Variants in PKHD1L1 observed in about 807,000 individuals in gnomAD.
The protein encoded by PKHD1L1 is fibrocystin-L.
In PKHD1L1, 434 loss-of-function variants were observed where a neutral mutation model predicts 462.9. The observed-to-expected ratio is 0.94, with a 90% CI of 0.87 to 1.02. The LOEUF (loss-of-function observed/expected upper bound fraction) is 1.02. Ranked by LOEUF, PKHD1L1 falls within the 50% of genes least tolerant of loss-of-function variation. The pLI is 0.00. For missense variants in PKHD1L1, 5,202 were observed against 5,096.1 expected (o/e 1.02, Z -0.63); for synonymous variants, 1,781 against 1,750.0 (o/e 1.02, Z -0.44).
intron 23 of PKHD1L1, among the ~76,000 whole-genome samples, chr8:109,421,845 A>G (rs1008792723): frequency 4.6e-5 from 7 of 152,110 alleles, no homozygotes; most frequent in Non-Finnish European, 7.4e-5. Flanking sequence ...CTGTGTCAAA[A>G]TTCTCCCATT....
At chr8:109,472,708 T>G (rs1817784926) in intron 50 of PKHD1L1, among the ~76,000 whole-genome samples, 1 of 111,364 alleles carries the variant, frequency 9.0e-6, no homozygotes, top group African/African-American at 3.4e-5. Flanking sequence ...ATTTTACTTC[T>G]GTGTGTGAAA....
At position 109,454,871 on chromosome 8, in the gene PKHD1L1, T is replaced by A; in HGVS notation, c.6874+19T>A. 4 of 1,603,744 alleles carry A rather than the reference T, an allele frequency of 2.5e-6. No homozygotes were observed. Among genetic ancestry groups the A allele is most frequent in the Non-Finnish European group, 3.4e-6 (4 of 1,174,438 alleles). ...CTGCACGGTACTGTGGCCAAGTGGC[T>A]AAGGGAGTTGGTAGAGGAAGACTCA... On this transcript the variant is annotated intron_variant, in intron 45 of 77. Coordinates refer to ENST00000378402, the MANE Select transcript of PKHD1L1 (RefSeq NM_177531.6).
In PKHD1L1 at chr8:109,522,202, T is replaced by C; in HGVS notation, c.12048T>C (p.Ser4016=). The change falls in exon 74 of 78, where the codon TCT becomes TCC. Residue 4016 remains serine (S), a synonymous_variant. Coordinates refer to ENST00000378402, the MANE Select transcript of PKHD1L1 (RefSeq NM_177531.6). ...SNGTTGQMQL[S]ELQEIAGSLG... ...TCCCCATAGGTCAGATGCAGTTATCTGAACTCCAGGAAATTGCTGGTTCTC... is the reference window on the plus strand; with the variant it reads ...TCCCCATAGGTCAGATGCAGTTATCCGAACTCCAGGAAATTGCTGGTTCTC... 6.2e-7 allele frequency: 1 copy of C among 1,602,934 alleles called. No homozygotes were observed. The highest frequency in any genetic ancestry group is 8.5e-7 in the Non-Finnish European group (1 of 1,170,882).
chr8:109,475,170 G>C lies in PKHD1L1; in HGVS notation c.8658G>C (p.Trp2886Cys), dbSNP rs763024948. 1 of 1,612,620 alleles carries C rather than the reference G, an allele frequency of 6.2e-7. No individual in the cohort carries two copies. Among genetic ancestry groups the C allele is most frequent in the Admixed American group, 1.7e-5 (1 of 59,912 alleles). ...QKKRLTHMSG[W>C]MALIPNANHI... ...AACGACTGACTCATATGTCTGGATGGATGGCTCTGATTCCAAATGCAAATC... is the reference window on the plus strand; with the variant it reads ...AACGACTGACTCATATGTCTGGATGCATGGCTCTGATTCCAAATGCAAATC... Residue 2886 changes from tryptophan (W) to cysteine (C), a missense_variant, in exon 51 of 78, where the codon TGG becomes TGC. Trp to Cys is a radical substitution (Grantham distance 215). This residue lies in a region of PKHD1L1 where 4,497 missense variants were observed against 4,336.8 expected (regional missense o/e 1.04). Coordinates refer to ENST00000378402, the MANE Select transcript of PKHD1L1 (RefSeq NM_177531.6).
At chr8:109,502,056 C>T (rs1401697904) in intron 67 of PKHD1L1, among the ~76,000 whole-genome samples, 1 of 151,922 alleles carries the variant, frequency 6.6e-6, no homozygotes, top group Non-Finnish European at 1.5e-5. Flanking sequence ...TCCCACACCA[C>T]ACCACACCAC....
At chr8:109,425,554 A>G (rs987070064) in intron 24 of PKHD1L1, among the ~76,000 whole-genome samples, 2 of 152,078 alleles carry the variant, frequency 1.3e-5, no homozygotes, top group African/African-American at 4.8e-5. Context: ...AATATTTTTA[A>G]AAGTCTGCAA....
At chr8:109,368,661 T>G (rs1039387978) in intron 2 of PKHD1L1, among the ~76,000 whole-genome samples, 4 of 152,164 alleles carry the variant, frequency 2.6e-5, no homozygotes, top group African/African-American at 7.2e-5. Flanking sequence ...TCAACAGTGC[T>G]TTTTTAACTA....
rs754670456 is a variant in PKHD1L1, at chr8:109,440,696, A to AT, written c.3957-6dup. 2.1e-5 allele frequency: 33 copies of AT among 1,600,254 alleles called. No homozygotes were observed. Among genetic ancestry groups the AT allele is most frequent in the Middle Eastern group, 1.7e-4 (1 of 5,996 alleles). On this transcript the variant is annotated splice_polypyrimidine_tract_variant and intron_variant, in intron 32 of 77. Transcript: ENST00000378402. ...AGGAAGCTCATTGAAAAATCTATTC[A>AT]TTTTTTTTCTCAGAGACAAATTAAA...
chr8:109,436,496 G>C (rs754747457), intron 30 of PKHD1L1, 37 bp downstream of exon 30: 5 of 1,604,538 alleles, frequency 3.1e-6, no homozygotes, highest in Non-Finnish European at 8.5e-7. Flanking sequence ...TTCCTCCTAA[G>C]TCTGAAATCT....
At chr8:109,506,453 T>A (rs557468216) in intron 68 of PKHD1L1, among the ~76,000 whole-genome samples, 2 of 152,314 alleles carry the variant, frequency 1.3e-5, no homozygotes, top group African/African-American at 4.8e-5. Flanking sequence ...GGGATCAGAT[T>A]ATAGCTAGTG....
chr8:109,398,557 C>A lies in PKHD1L1; in HGVS notation c.1012+9C>A. The A allele has an allele frequency of 2.1e-6, 3 of 1,440,794 alleles. No individual in the cohort carries two copies. The highest frequency in any genetic ancestry group is 2.9e-6 in the Non-Finnish European group (3 of 1,047,010). The allele number at this position is 1,440,794 out of a possible 1,614,324, so 89.3% of individuals were successfully genotyped here. A position where few individuals can be genotyped will look rare whatever the true frequency, so the allele number is the denominator to read the frequency against. Reference sequence around the variant, plus strand: ...CAAAACTGTATATCCAGGTAAGTTACCATAAGGGACAATGGCCATTTCTAT... The same window carrying A: ...CAAAACTGTATATCCAGGTAAGTTAACATAAGGGACAATGGCCATTTCTAT... On this transcript the variant is annotated intron_variant, in intron 12 of 77. Transcript: ENST00000378402.
Position 109,438,441 on chromosome 8 carries a change from G to A in PKHD1L1, c.3745G>A (p.Val1249Ile). Residue 1249 changes from valine to isoleucine, a missense_variant, in exon 31 of 78, where the codon GTA becomes ATA. Val to Ile is a conservative substitution (Grantham distance 29). Transcript: ENST00000378402. ...TPIITDFSPK[V>I]RTILGEVNLT... ...AATTATAACTGATTTTAGTCCAAAAGTACGAACAATACTAGGTAAGAAATT... is the reference window on the plus strand; with the variant it reads ...AATTATAACTGATTTTAGTCCAAAAATACGAACAATACTAGGTAAGAAATT... 1 of 1,541,536 alleles carries A rather than the reference G, an allele frequency of 6.5e-7. No homozygotes were observed. The highest frequency in any genetic ancestry group is 8.8e-7 in the Non-Finnish European group (1 of 1,141,356).
chr8:109,448,974 AT>A (rs1816327850), intron 39 of PKHD1L1, among the ~76,000 whole-genome samples: 2 of 152,056 alleles, frequency 1.3e-5, no homozygotes, highest in African/African-American at 4.8e-5. Flanking sequence ...TATTTAAAAA[AT>A]TTTTTAGTTA....
intron 23 of PKHD1L1, among the ~76,000 whole-genome samples, chr8:109,424,284 A>C (rs559105618): frequency 2.6e-5 from 4 of 152,286 alleles, no homozygotes; most frequent in African/African-American, 9.6e-5. Context: ...CTGTAGTTTC[A>C]TTCTCTTTGA....
At position 109,412,223 on chromosome 8, in the gene PKHD1L1, C is replaced by T. The variant is rs1312904543; in HGVS notation, c.2086-42C>T. ...TGCACACGTTGGGGGAAAACCAGAA[C>T]AATAAATCATGTTTTCATTTGAAAT... On this transcript the variant is annotated intron_variant, in intron 19 of 77. Transcript: ENST00000378402. 4 of 1,603,784 alleles carry T rather than the reference C, an allele frequency of 2.5e-6. No homozygotes were observed. In the Admixed American group the frequency reaches 5.0e-5, roughly 20 times the overall value.
At chr8:109,440,467 A>G (rs530844773) in intron 32 of PKHD1L1, among the ~76,000 whole-genome samples, 1 of 152,232 alleles carries the variant, frequency 6.6e-6, no homozygotes, top group South Asian at 2.1e-4. Flanking sequence ...AGGATCTTCC[A>G]TCTCAAATTC....
At chr8:109,381,913 A>C (rs542178024) in intron 3 of PKHD1L1, among the ~76,000 whole-genome samples, 82 of 152,300 alleles carry the variant, frequency 5.4e-4, no homozygotes, top group Non-Finnish European at 9.0e-4. Context: ...GTGACATTTC[A>C]AGTTCTTTAC....
intron 19 of PKHD1L1, among the ~76,000 whole-genome samples, chr8:109,411,583 C>T (rs1813858510): frequency 6.6e-6 from 1 of 152,128 alleles, no homozygotes; most frequent in African/African-American, 2.4e-5. Context: ...TCATCACCAC[C>T]CTCACATGCA....
intron 50 of PKHD1L1, among the ~76,000 whole-genome samples, chr8:109,472,072 CTTAA>C (rs889584570): frequency 7.5e-5 from 10 of 132,948 alleles, no homozygotes; most frequent in African/African-American, 2.1e-4. Context: ...TCCTAGAAGT[CTTAA>C]TTGTGTTTAT....
Sources: gnomAD v4.1 joint callset for allele counts (sites outside exome capture counted in the v4.1 genomes callset) on GRCh38, gnomAD v4.1.1 for gene constraint, gnomAD v4.1.1 regional missense constraint, MANE v1.5 for transcripts, NCBI Gene and HGNC (gene_info 2026-07-23, HGNC 2026-07-21) for gene names.